The following MMADHC variants were observed in gnomAD, a reference collection of about 807,000 sequenced individuals.
MMADHC encodes cobalamin trafficking protein CblD.
Under a neutral mutation model 36.3 loss-of-function variants are expected in MMADHC, and 23 were observed. The ratio of observed to expected loss-of-function variants is 0.63; its 90% CI spans 0.46 to 0.90. MMADHC has a LOEUF of 0.90. Ranked by LOEUF, MMADHC falls within the 40% of genes least tolerant of loss-of-function variation. The pLI is 0.00. For missense variants in MMADHC, 330 were observed against 348.0 expected (o/e 0.95, Z 0.41); for synonymous variants, 97 against 116.1 (o/e 0.84, Z 1.06).
At chr2:149,578,859 T>A (rs1360664051) in intron 4 of MMADHC, among the ~76,000 whole-genome samples, 1 of 151,938 alleles carries the variant, frequency 6.6e-6, no homozygotes, top group Non-Finnish European at 1.5e-5. Context: ...AACCCTGAAT[T>A]GCATGTAGCT....
At chr2:149,587,003 A>G (rs1682880861) in intron 2 of MMADHC, 86 bp downstream of exon 2, 1 of 1,333,630 alleles carries the variant, frequency 7.5e-7, no homozygotes, top group Non-Finnish European at 1.1e-6. Context: ...ATACCACCCA[A>G]TGCCATCATA....
chr2:149,575,872 A>G, intron 5 of MMADHC, 31 bp from the exon 6 acceptor site: 2 of 1,526,886 alleles, frequency 1.3e-6, no homozygotes, highest in Non-Finnish European at 1.8e-6. Flanking sequence ...TCCAGGTAGA[A>G]AAGAATTTGA....
At chr2:149,572,746 C>G (rs963861805) in intron 6 of MMADHC, among the ~76,000 whole-genome samples, 3 of 152,102 alleles carry the variant, frequency 2.0e-5, no homozygotes, top group South Asian at 2.1e-4. Flanking sequence ...AAGGGCTGAG[C>G]TGTGCACTCA....
chr2:149,586,424 T>C (rs1682869514), intron 2 of MMADHC, among the ~76,000 whole-genome samples: 3 of 152,208 alleles, frequency 2.0e-5, no homozygotes, highest in African/African-American at 4.8e-5. Context: ...TTTTAGACTA[T>C]ACAAATCCCA....
intron 4 of MMADHC, among the ~76,000 whole-genome samples, chr2:149,577,122 T>C (rs1682729464): frequency 6.6e-6 from 1 of 152,136 alleles, no homozygotes; most frequent in Admixed American, 6.5e-5. Flanking sequence ...AGCAAATAAA[T>C]GCAATTAAAT....
At chr2:149,582,939 G>A (rs942503912) in intron 2 of MMADHC, among the ~76,000 whole-genome samples, 1 of 152,072 alleles carries the variant, frequency 6.6e-6, no homozygotes, top group African/African-American at 2.4e-5. Flanking sequence ...TTAATGCAGG[G>A]ATTGGCGAAC....
chr2:149,582,386 T>C, intron 2 of MMADHC, 115 bp from the exon 3 acceptor site: 1 of 942,660 alleles, frequency 1.1e-6, no homozygotes, highest in Non-Finnish European at 1.7e-6. Flanking sequence ...ACATTTATTC[T>C]ACTTTTACTG....
At chr2:149,570,578 AT>A (rs1682624615) in intron 7 of MMADHC, among the ~76,000 whole-genome samples, 1 of 152,302 alleles carries the variant, frequency 6.6e-6, no homozygotes, top group East Asian at 1.9e-4. Context: ...AAATGATTTA[AT>A]TACTACTTGT....
intron 7 of MMADHC, among the ~76,000 whole-genome samples, chr2:149,570,592 C>T (rs1027386689): frequency 6.6e-6 from 1 of 152,152 alleles, no homozygotes; most frequent in Non-Finnish European, 1.5e-5. Context: ...CTACTTGTTA[C>T]AGAAAGATAT....
intron 2 of MMADHC, among the ~76,000 whole-genome samples, chr2:149,584,450 C>A (rs1457790869): frequency 6.6e-6 from 1 of 152,204 alleles, no homozygotes; most frequent in East Asian, 1.9e-4. Flanking sequence ...TCATTCACAT[C>A]GTTTCACAAG....
At chr2:149,578,455 T>G (rs764059563) in intron 4 of MMADHC, among the ~76,000 whole-genome samples, 1 of 152,092 alleles carries the variant, frequency 6.6e-6, no homozygotes, top group Non-Finnish European at 1.5e-5. Context: ...TTGTGAGACA[T>G]CCAAACAAAG....
rs552634873 is a variant in MMADHC at position 149,583,662 on chromosome 2, A to G, written c.10-1391T>C. Among the ~76,000 whole-genome samples, 11 of 152,302 alleles carry G rather than the reference A, an allele frequency of 7.2e-5. No homozygotes were observed. The South Asian group carries it at 2.3e-3, about 32-fold the overall frequency. On this transcript the variant is annotated intron_variant, in intron 2 of 7. Transcript: ENST00000303319. The stretch of plus-strand genomic sequence containing the variant: ...ACCAGGATGTTGGAAAAATCCAGCC[A>G]TCTGACACCTGAGAATTATTCTATT...
At chr2:149,584,098 T>C (rs1178741129) in intron 2 of MMADHC, among the ~76,000 whole-genome samples, 1 of 152,226 alleles carries the variant, frequency 6.6e-6, no homozygotes, top group African/African-American at 2.4e-5. Flanking sequence ...TATTTGGCTT[T>C]TTACTTACTA....
rs528939632 is a variant in MMADHC at position 149,575,398 on chromosome 2, G to A, written c.609+313C>T. ...AAGATGGGGAGATGAAGGGGGAGAT[G>A]GAGAAGGAGAGGGAGGGGGAGGCTG... On this transcript the variant is annotated intron_variant, in intron 6 of 7. Coordinates refer to ENST00000303319, the MANE Select transcript of MMADHC (RefSeq NM_015702.3). Among the ~76,000 whole-genome samples, 1,416 of 151,182 alleles carry A rather than the reference G, an allele frequency of 9.4e-3. 24 individuals are homozygous for A. Among genetic ancestry groups the A allele is most frequent in the African/African-American group, 0.033 (1,355 of 41,152 alleles).
In MMADHC at chr2:149,586,893, AGT is replaced by A. The variant is rs1203713038; in HGVS notation, c.9+194_9+195del. 4.9e-6 allele frequency: 3 copies of A among 612,226 alleles called. No individual in the cohort carries two copies. In the African/African-American group the frequency reaches 5.5e-5, roughly 11 times the overall value. 37.9% of individuals were successfully genotyped at this position (612,226 alleles called of 1,614,324 possible). The stretch of plus-strand genomic sequence containing the variant: ...CTGTACAAATGAAATTGTATAAATA[AGT>A]GTATTTGCAGTGCAAAGAATGCTAC... On this transcript the variant is annotated intron_variant, in intron 2 of 7. Coordinates refer to ENST00000303319, the MANE Select transcript of MMADHC (RefSeq NM_015702.3).
At chr2:149,587,052 G>A (rs1682881907) in intron 2 of MMADHC, 37 bp downstream of exon 2, 1 of 1,606,762 alleles carries the variant, frequency 6.2e-7, no homozygotes, top group Non-Finnish European at 8.5e-7. Context: ...TCCCAAACGA[G>A]TTTACTATGC....
intron 6 of MMADHC, among the ~76,000 whole-genome samples, chr2:149,573,750 T>C (rs778605514): frequency 2.6e-5 from 4 of 152,146 alleles, no homozygotes; most frequent in Admixed American, 1.3e-4. Flanking sequence ...GCTTAGAAAA[T>C]AGTCATTAGA....
intron 2 of MMADHC, 131 bp from the exon 3 acceptor site, chr2:149,582,402 C>G: frequency 1.3e-6 from 1 of 779,542 alleles, no homozygotes; most frequent in South Asian, 1.6e-5. Context: ...TACTGAACAC[C>G]TACTATATGA....
chr2:149,585,599 T>C (rs1682855068), intron 2 of MMADHC, among the ~76,000 whole-genome samples: 1 of 152,236 alleles, frequency 6.6e-6, no homozygotes, highest in African/African-American at 2.4e-5. Flanking sequence ...CAAATGGCAT[T>C]AGTTAGCAAC....
Sources: allele counts gnomAD v4.1 joint callset (sites outside exome capture counted in the v4.1 genomes callset), GRCh38; gene constraint gnomAD v4.1.1; transcripts MANE v1.5; gene names NCBI Gene and HGNC (gene_info 2026-07-23, HGNC 2026-07-21).